The following CNTNAP2 variants were observed in gnomAD, a reference collection of about 807,000 sequenced individuals.
The protein encoded by CNTNAP2 is contactin associated protein 2.
Under a neutral mutation model 155.2 loss-of-function variants are expected in CNTNAP2, and 98 were observed. The ratio of observed to expected loss-of-function variants is 0.63; its 90% CI spans 0.54 to 0.75. The LOEUF is 0.75. Ranked by LOEUF, CNTNAP2 falls within the 30% of genes least tolerant of loss-of-function variation. The pLI is 0.00. For missense variants in CNTNAP2, 1,727 were observed against 1,688.1 expected, an observed-to-expected ratio of 1.02 and a Z score of -0.40; for synonymous variants, 651 against 631.2, an observed-to-expected ratio of 1.03 and a Z score of -0.47.
chr7:146,588,000 G>A (rs1798722061), intron 1 of CNTNAP2, among the ~76,000 whole-genome samples: 2 of 130,994 alleles, frequency 1.5e-5, no homozygotes, highest in African/African-American at 6.8e-5. Flanking sequence ...AACAAACCGT[G>A]TGTGTATGTG....
rs549332320 is a variant in CNTNAP2, at chr7:147,032,453, C to A, written c.403-11454C>A. On this transcript the variant is annotated intron_variant, in intron 3 of 23. Transcript: ENST00000361727. Reference sequence around the variant, plus strand: ...CAAATCTGGCCATAAATCCTAAGTTCATTCCTATATGTTTGTCTTCTGTTT... The same window carrying A: ...CAAATCTGGCCATAAATCCTAAGTTAATTCCTATATGTTTGTCTTCTGTTT... Among the ~76,000 whole-genome samples, 341 of 152,264 alleles carry A rather than the reference C, an allele frequency of 2.2e-3. 1 individual carries two copies. The highest frequency in any genetic ancestry group is 7.8e-3 in the African/African-American group (325 of 41,550).
rs1490214892 is a variant in CNTNAP2 at position 147,204,356 on chromosome 7, T to C, written c.1348+71847T>C. ...TTATTTAATACATAATCCTGGAAGA[T>C]GTGTTTCACAATGAAGGGGAAGGTA... is the stretch of plus-strand genomic sequence containing the variant. On this transcript the variant is annotated intron_variant, in intron 8 of 23. Transcript: ENST00000361727. Among the ~76,000 whole-genome samples the C allele has an allele frequency of 2.0e-5, 3 of 152,186 alleles. No individual in the cohort carries two copies. In the East Asian group the frequency reaches 5.8e-4, roughly 29 times the overall value.
chr7:147,975,000 A>G (rs982585765), intron 14 of CNTNAP2, among the ~76,000 whole-genome samples: 2 of 151,428 alleles, frequency 1.3e-5, no homozygotes. Context: ...TACATGCAAC[A>G]TGTATTATAC....
intron 1 of CNTNAP2, among the ~76,000 whole-genome samples, chr7:146,390,368 C>T (rs981885075): frequency 2.6e-5 from 4 of 151,866 alleles, no homozygotes; most frequent in African/African-American, 9.7e-5. Flanking sequence ...ACTAATGGAA[C>T]ATATGGACAT....
At chr7:146,936,016 A>C (rs1308736832) in intron 3 of CNTNAP2, among the ~76,000 whole-genome samples, 1 of 152,150 alleles carries the variant, frequency 6.6e-6, no homozygotes, top group African/African-American at 2.4e-5. Flanking sequence ...GTCTCTCTTC[A>C]ACAGAAATGA....
intron 12 of CNTNAP2, among the ~76,000 whole-genome samples, chr7:147,615,471 T>G (rs1801271861): frequency 1.3e-5 from 2 of 151,372 alleles, no homozygotes; most frequent in Non-Finnish European, 2.9e-5. Flanking sequence ...CAAGAAGATA[T>G]AATTTGTATA....
intron 1 of CNTNAP2, among the ~76,000 whole-genome samples, chr7:146,715,616 A>G (rs1801174032): frequency 6.6e-6 from 1 of 152,188 alleles, no homozygotes; most frequent in Non-Finnish European, 1.5e-5. Flanking sequence ...GGAACAAAAG[A>G]AAATCACCCT....
chr7:146,468,223 T>C (rs966924486), intron 1 of CNTNAP2, among the ~76,000 whole-genome samples: 13 of 152,004 alleles, frequency 8.6e-5, no homozygotes, highest in African/African-American at 2.7e-4. Context: ...GATCCCCCAC[T>C]TGTAGGTAAG....
Position 146,142,706 on chromosome 7 carries a change from C to A in CNTNAP2, c.97+25733C>A, listed in dbSNP as rs372048465. ...CACTTCGTATTACCCTAATTGGGTT[C>A]TCTTCTAATTCTGTGTAAAATAATA... is the stretch of plus-strand genomic sequence containing the variant. On this transcript the variant is annotated intron_variant, in intron 1 of 23. Transcript: ENST00000361727. Among the ~76,000 whole-genome samples, 6 of 152,172 alleles carry A rather than the reference C, an allele frequency of 3.9e-5. No homozygotes were observed. In the East Asian group the frequency reaches 5.8e-4, roughly 15 times the overall value.
intron 1 of CNTNAP2, among the ~76,000 whole-genome samples, chr7:146,297,147 T>A (rs1162193333): frequency 2.0e-5 from 3 of 152,152 alleles, no homozygotes; most frequent in African/African-American, 4.8e-5. Context: ...ATTTCCATCA[T>A]TTGTTCATTG....
intron 8 of CNTNAP2, among the ~76,000 whole-genome samples, chr7:147,213,332 C>T (rs746357749): frequency 9.9e-5 from 15 of 152,130 alleles, no homozygotes; most frequent in Non-Finnish European, 1.3e-4. Flanking sequence ...ATCTTCTTTA[C>T]TCAGTTTGCT....
At chr7:146,764,475 GT>G (rs61389148) in intron 1 of CNTNAP2, among the ~76,000 whole-genome samples, 41,613 of 145,814 alleles carry the variant, frequency 0.29, 10,214 homozygotes, top group African/African-American at 0.67. Flanking sequence ...GTGTTGTAGA[GT>G]TTTTTTTTTT....
chr7:147,480,349 A>AT (rs1309062935), intron 10 of CNTNAP2, among the ~76,000 whole-genome samples: 1 of 152,202 alleles, frequency 6.6e-6, no homozygotes, highest in African/African-American at 2.4e-5. Flanking sequence ...AACAAGGCAT[A>AT]TTTAATGTCC....
intron 13 of CNTNAP2, among the ~76,000 whole-genome samples, chr7:147,815,708 T>C (rs1798253574): frequency 6.6e-6 from 1 of 152,182 alleles, no homozygotes. Context: ...GATCCAGGTG[T>C]GGACATTTTT....
chr7:147,816,857 T>C (rs1405543517), intron 13 of CNTNAP2, among the ~76,000 whole-genome samples: 1 of 149,136 alleles, frequency 6.7e-6, no homozygotes, highest in Non-Finnish European at 1.5e-5. Context: ...GGATAAAATA[T>C]TAAAAAGAAC....
chr7:148,144,739 T>A (rs1805143006), intron 16 of CNTNAP2, among the ~76,000 whole-genome samples: 1 of 152,122 alleles, frequency 6.6e-6, no homozygotes, highest in Admixed American at 6.5e-5. Context: ...ATTTGTTCGG[T>A]ATATAAGAAA....
chr7:148,355,166 C>CCTTTT (rs1798489905), intron 21 of CNTNAP2, among the ~76,000 whole-genome samples: 3 of 41,022 alleles, frequency 7.3e-5, no homozygotes, highest in African/African-American at 3.1e-4. Flanking sequence ...CCGCCAGCTG[C>CCTTTT]TTTTTTTTTT....
chr7:146,937,548 A>G (rs114484038), intron 3 of CNTNAP2, among the ~76,000 whole-genome samples: 2,764 of 152,186 alleles, frequency 0.018, 72 homozygotes, highest in African/African-American at 0.062. Flanking sequence ...CTTTTCTCAC[A>G]GGGGCACTTG....
At chr7:148,016,247 A>G (rs1390222507) in intron 15 of CNTNAP2, among the ~76,000 whole-genome samples, 1 of 152,220 alleles carries the variant, frequency 6.6e-6, no homozygotes, top group Non-Finnish European at 1.5e-5. Flanking sequence ...TTTACACTGC[A>G]AACTCCTGAC....
Sources: gnomAD v4.1 joint callset for allele counts (sites outside exome capture counted in the v4.1 genomes callset) on GRCh38, gnomAD v4.1.1 for gene constraint, MANE v1.5 for transcripts, NCBI Gene and HGNC (gene_info 2026-07-23, HGNC 2026-07-21) for gene names.